SOX5: variants seen among roughly 807,000 people sequenced by gnomAD.
The protein encoded by SOX5 is SRY-box transcription factor 5, also known as transcription factor SOX-5.
In SOX5, 9 loss-of-function variants were observed where a neutral mutation model predicts 92.0. The observed-to-expected ratio is 0.10, with a 90% CI of 0.06 to 0.17. The LOEUF is 0.17. Ranked by LOEUF, SOX5 falls within the 10% of genes least tolerant of loss-of-function variation. The probability of loss-of-function intolerance (pLI) is 1.00; values close to 1 mark genes in which losing one functional copy is unlikely to be tolerated. For synonymous variants in SOX5, 344 were observed against 336.3 expected (o/e 1.02, Z -0.25); for missense variants, 642 against 944.5 (o/e 0.68, Z 4.20).
chr12:24,158,932 T>C (rs1226282291), intron 4 of SOX5, among the ~76,000 whole-genome samples: 2 of 152,054 alleles, frequency 1.3e-5, no homozygotes, highest in Non-Finnish European at 2.9e-5. Flanking sequence ...TGGTTTCTTA[T>C]ATAGCTTTAA....
chr12:23,810,791 A>G (rs2095862989), intron 3 of SOX5, among the ~76,000 whole-genome samples: 1 of 152,150 alleles, frequency 6.6e-6, no homozygotes, highest in Admixed American at 6.6e-5. Context: ...CCCAAGCCCA[A>G]CAGTGGATAA....
At chr12:24,149,731 CTTTA>C (rs1185487132) in intron 4 of SOX5, among the ~76,000 whole-genome samples, 2 of 152,096 alleles carry the variant, frequency 1.3e-5, no homozygotes, top group Admixed American at 1.3e-4. Flanking sequence ...TCATTATCTG[CTTTA>C]TTTGTAACAG....
intron 4 of SOX5, among the ~76,000 whole-genome samples, chr12:24,196,915 A>G (rs1014990392): frequency 2.6e-5 from 4 of 152,022 alleles, no homozygotes; most frequent in African/African-American, 9.7e-5. Context: ...AAAACAAAAA[A>G]CAAAAACAAA....
intron 6 of SOX5, among the ~76,000 whole-genome samples, chr12:23,682,282 A>G (rs1031819532): frequency 6.6e-6 from 1 of 151,856 alleles, no homozygotes; most frequent in African/African-American, 2.4e-5. Flanking sequence ...ATATTTTAAA[A>G]TGAACCAAAA....
intron 1 of SOX5, among the ~76,000 whole-genome samples, chr12:24,515,698 T>C (rs1215247702): frequency 6.6e-6 from 1 of 152,184 alleles, no homozygotes; most frequent in East Asian, 1.9e-4. Context: ...AGTTTCCAGT[T>C]TCAAAGAGCA....
At chr12:24,137,902 C>A (rs944381826) in intron 4 of SOX5, among the ~76,000 whole-genome samples, 3 of 152,208 alleles carry the variant, frequency 2.0e-5, no homozygotes, top group African/African-American at 7.2e-5. Flanking sequence ...ATCAAACTCA[C>A]CCCCAATCCC....
At chr12:24,004,478 G>C in intron 4 of SOX5, among the ~76,000 whole-genome samples, 1 of 151,946 alleles carries the variant, frequency 6.6e-6, no homozygotes, top group Non-Finnish European at 1.5e-5. Context: ...TTTCATCAAA[G>C]AAGATGCACA....
At chr12:24,116,430 G>T (rs138083838) in intron 4 of SOX5, among the ~76,000 whole-genome samples, 53 of 152,172 alleles carry the variant, frequency 3.5e-4, no homozygotes, top group African/African-American at 1.1e-3. Flanking sequence ...TCTCAAGGCA[G>T]ATTTTTGTAA....
chr12:23,839,501 T>C (rs2096485106), intron 3 of SOX5, among the ~76,000 whole-genome samples: 1 of 152,128 alleles, frequency 6.6e-6, no homozygotes. Flanking sequence ...ACTCATTCTA[T>C]GAAGCTGGCA....
chr12:23,939,726 G>T, intron 1 of SOX5, among the ~76,000 whole-genome samples: 1 of 150,154 alleles, frequency 6.7e-6, no homozygotes, highest in South Asian at 2.1e-4. Context: ...AACAATATAT[G>T]AAGCTTGTTC....
At chr12:23,716,560 A>C (rs913258174) in intron 6 of SOX5, among the ~76,000 whole-genome samples, 2 of 152,204 alleles carry the variant, frequency 1.3e-5, no homozygotes, top group Non-Finnish European at 2.9e-5. Context: ...ACCAACAAGA[A>C]ATTTTTAAAA....
chr12:23,807,585 G>A (rs1254203679), intron 3 of SOX5, among the ~76,000 whole-genome samples: 2 of 151,944 alleles, frequency 1.3e-5, no homozygotes, highest in Non-Finnish European at 2.9e-5. Flanking sequence ...TCATGGCTCT[G>A]CTGACAACTT....
At chr12:24,146,973 T>C (rs1004690756) in intron 4 of SOX5, among the ~76,000 whole-genome samples, 1 of 152,104 alleles carries the variant, frequency 6.6e-6, no homozygotes, top group African/African-American at 2.4e-5. Context: ...ATTTTTTAAA[T>C]GGGATGATAG....
chr12:23,533,581 C>T lies in SOX5; in HGVS notation c.*638G>A, dbSNP rs1055920251. Reference sequence around the variant, plus strand: ...TAATTGCTTATTTTGTGGTGGATAGCAAGGAAGTTAAAAACAGGCTCTTTT... The same window carrying T: ...TAATTGCTTATTTTGTGGTGGATAGTAAGGAAGTTAAAAACAGGCTCTTTT... On this transcript the variant is annotated 3_prime_UTR_variant, in exon 15 of 15. Transcript: ENST00000451604. 1 of 154,348 alleles carries T rather than the reference C, an allele frequency of 6.5e-6. No individual in the cohort carries two copies. The highest frequency in any genetic ancestry group is 2.4e-5 in the African/African-American group (1 of 41,424). The allele number at this position is 154,348 out of a possible 1,614,324, so 9.6% of individuals were successfully genotyped here.
chr12:23,773,806 A>G (rs1344326702), intron 3 of SOX5, among the ~76,000 whole-genome samples: 1 of 152,208 alleles, frequency 6.6e-6, no homozygotes, highest in Non-Finnish European at 1.5e-5. Context: ...CCTAAAATGC[A>G]ATGCAAAGTA....
chr12:23,646,677 C>T (rs911784613), intron 7 of SOX5, among the ~76,000 whole-genome samples: 6 of 152,190 alleles, frequency 3.9e-5, no homozygotes, highest in African/African-American at 1.4e-4. Context: ...TTCAATAATG[C>T]TCACATAATC....
intron 9 of SOX5, among the ~76,000 whole-genome samples, chr12:23,583,147 TC>T (rs1211918664): frequency 6.6e-6 from 1 of 152,086 alleles, no homozygotes; most frequent in Admixed American, 6.6e-5. Flanking sequence ...GCCACACCAT[TC>T]CTTTTTACAT....
intron 2 of SOX5, among the ~76,000 whole-genome samples, chr12:23,885,772 G>C (rs538825752): frequency 6.6e-6 from 1 of 151,938 alleles, no homozygotes; most frequent in Admixed American, 6.6e-5. Context: ...CCTTAAGTTA[G>C]GTTTACATTT....
chr12:24,422,735 G>A (rs905586427), intron 1 of SOX5, among the ~76,000 whole-genome samples: 21 of 152,184 alleles, frequency 1.4e-4, no homozygotes, highest in Non-Finnish European at 2.6e-4. Flanking sequence ...TTTCAACCAG[G>A]CACAGTGGCT....
Sources: allele counts gnomAD v4.1 joint callset (sites outside exome capture counted in the v4.1 genomes callset), GRCh38; gene constraint gnomAD v4.1.1; transcripts MANE v1.5; gene names NCBI Gene and HGNC (gene_info 2026-07-23, HGNC 2026-07-21).